The following NAA38 variants were observed in gnomAD, a reference collection of about 807,000 sequenced individuals.
NAA38 encodes the protein LSM domain containing 1.
A neutral mutation model predicts 12.6 loss-of-function variants in NAA38; 15 were observed. That is an observed-to-expected ratio of 1.19 (90% CI 0.79 to 1.83). NAA38 has a LOEUF of 1.83. Among genes scored for constraint, NAA38 ranks in the 40% most tolerant of loss-of-function variants. The pLI is 0.00. For synonymous variants in NAA38, 88 were observed against 69.9 expected, an observed-to-expected ratio of 1.26 and a Z score of -1.29; for missense variants, 183 against 171.7, an observed-to-expected ratio of 1.07 and a Z score of -0.37.
intron 1 of NAA38, among the ~76,000 whole-genome samples, chr17:7,884,419 A>AG (rs1344483922): frequency 6.9e-6 from 1 of 145,486 alleles, no homozygotes; most frequent in Non-Finnish European, 1.5e-5. Flanking sequence ...AGCAACGGAG[A>AG]GGGGGGCAGA....
At chr17:7,872,401 G>A (rs772883267) in intron 2 of NAA38, among the ~76,000 whole-genome samples, 11 of 152,080 alleles carry the variant, frequency 7.2e-5, no homozygotes, top group East Asian at 1.9e-4. Context: ...AGACGGAGTC[G>A]CTCTGTTGCC....
upstream of NAA38, chr17:7,859,313 T>G: frequency 7.6e-7 from 1 of 1,310,362 alleles, no homozygotes; most frequent in South Asian, 1.2e-5. Flanking sequence ...GGAGGCACTT[T>G]GATCCCAGCG....
At chr17:7,858,324 A>G, upstream of NAA38, 1 of 1,611,902 alleles carries the variant, frequency 6.2e-7, no homozygotes, top group Non-Finnish European at 8.5e-7. Flanking sequence ...CCGGGGCCGG[A>G]GTGTGTGTGT....
upstream of NAA38, chr17:7,858,208 T>C (rs748698150): frequency 6.2e-7 from 1 of 1,613,776 alleles, no homozygotes; most frequent in Non-Finnish European, 8.5e-7. Flanking sequence ...CCGGCGGAGG[T>C]GGCCCAACAT....
At chr17:7,871,106 A>AAAG (rs953050580) in intron 2 of NAA38, among the ~76,000 whole-genome samples, 48 of 152,314 alleles carry the variant, frequency 3.2e-4, no homozygotes, top group African/African-American at 1.1e-3. Flanking sequence ...ATGGCCTCTT[A>AAAG]AAGCCAGCTT....
intron 2 of NAA38, among the ~76,000 whole-genome samples, chr17:7,869,453 A>C (rs1967046017): frequency 6.6e-6 from 1 of 152,216 alleles, no homozygotes; most frequent in Non-Finnish European, 1.5e-5. Context: ...ATTATATCTC[A>C]TTCAGTCTGA....
At chr17:7,857,269 C>A (rs757081757) in intron 1 of NAA38, 71 bp from the exon 2 acceptor site, 33 of 1,609,804 alleles carry the variant, frequency 2.0e-5, no homozygotes, top group Non-Finnish European at 2.8e-5. Flanking sequence ...CAGCTCCCGG[C>A]AGCCCGCGGG....
chr17:7,856,803 G>C lies in NAA38; in HGVS notation c.306C>G (p.Ala102=). 1.2e-6 allele frequency: 2 copies of C among 1,613,948 alleles called. No homozygotes were observed. The highest frequency in any genetic ancestry group is 1.7e-6 in the Non-Finnish European group (2 of 1,180,014). Reference sequence around the variant, plus strand: ...AAACGATGTGGTGTCCGGGTACCATGGCCAGGCCCAGCACACGGGGCTCCC... The same window carrying C: ...AAACGATGTGGTGTCCGGGTACCATCGCCAGGCCCAGCACACGGGGCTCCC... ...SAGEPRVLGL[A]MVPGHHIVSI... The change falls in exon 3 of 3, where the codon GCC becomes GCG. Residue 102 remains alanine (A), a synonymous_variant. Coordinates refer to ENST00000575771, the MANE Select transcript of NAA38 (RefSeq NM_001320925.4).
intron 2 of NAA38, among the ~76,000 whole-genome samples, chr17:7,874,071 G>T (rs1967132332): frequency 6.6e-6 from 1 of 152,182 alleles, no homozygotes. Context: ...AGGAAAATAA[G>T]AAGAGGGCAC....
chr17:7,858,501 G>A (rs373697521), upstream of NAA38: 133 of 1,614,058 alleles, frequency 8.2e-5, no homozygotes, highest in Middle Eastern at 4.9e-4. Context: ...TGGAACCTGG[G>A]ATTGTGGGTA....
At chr17:7,882,444 G>A (rs922940416) in intron 2 of NAA38, among the ~76,000 whole-genome samples, 4 of 152,266 alleles carry the variant, frequency 2.6e-5, no homozygotes, top group South Asian at 2.1e-4. Flanking sequence ...GGAAAGTCAC[G>A]TAGAGGTGAC....
upstream of NAA38, chr17:7,858,644 G>A (rs775753610): frequency 3.4e-5 from 54 of 1,608,204 alleles, no homozygotes; most frequent in South Asian, 5.6e-4. Context: ...GCTGCCTGAG[G>A]TACTGCACCC....
chr17:7,858,022 G>T, upstream of NAA38: 1 of 1,532,868 alleles, frequency 6.5e-7, no homozygotes, highest in Non-Finnish European at 8.7e-7. Context: ...CATGTCAGCG[G>T]ATAAACGCTC....
chr17:7,871,889 A>C (rs1967092331), intron 2 of NAA38, among the ~76,000 whole-genome samples: 2 of 152,108 alleles, frequency 1.3e-5, no homozygotes, highest in Non-Finnish European at 2.9e-5. Context: ...TCCTGACCTC[A>C]AGTGACCCAC....
upstream of NAA38, chr17:7,859,622 T>C: frequency 6.2e-7 from 1 of 1,611,864 alleles, no homozygotes; most frequent in East Asian, 2.2e-5. Flanking sequence ...GGCAAGGAGA[T>C]GTACACTCGT....
intron 2 of NAA38, among the ~76,000 whole-genome samples, chr17:7,869,194 C>T (rs904827226): frequency 3.0e-4 from 45 of 152,296 alleles, no homozygotes; most frequent in African/African-American, 9.6e-4. Flanking sequence ...AACCTCACCA[C>T]AACCCTTTGA....
upstream of NAA38, chr17:7,858,316 G>A: frequency 6.2e-7 from 1 of 1,613,846 alleles, no homozygotes; most frequent in Non-Finnish European, 8.5e-7. Flanking sequence ...ACGTTGGGCC[G>A]GGGCCGGAGT....
Position 7,857,217 on chromosome 17 carries a change from G to A in NAA38, c.82-19C>T. The A allele has an allele frequency of 6.2e-7, 1 of 1,612,518 alleles. No homozygotes were observed. The highest frequency in any genetic ancestry group is 8.5e-7 in the Non-Finnish European group (1 of 1,179,734). ...CCGAATCCTGCGCGGGGTGTAACAA[G>A]CGCTCAGACCGCGCAGCCCAGGCTG... On this transcript the variant is annotated intron_variant, in intron 1 of 2. Transcript: ENST00000575771.
At chr17:7,884,454 A>G (rs1461962514) in intron 1 of NAA38, among the ~76,000 whole-genome samples, 3 of 64,714 alleles carry the variant, frequency 4.6e-5, no homozygotes, top group Non-Finnish European at 1.3e-4. Flanking sequence ...TTTTATATAT[A>G]TACATATATA....
Sources: gnomAD v4.1 joint callset for allele counts (sites outside exome capture counted in the v4.1 genomes callset) on GRCh38, gnomAD v4.1.1 for gene constraint, MANE v1.5 for transcripts, NCBI Gene and HGNC (gene_info 2026-07-23, HGNC 2026-07-21) for gene names.